Variants in TMEM132E observed in about 807,000 individuals in gnomAD.
TMEM132E encodes the protein transmembrane protein 132E.
Under a neutral mutation model 78.5 loss-of-function variants are expected in TMEM132E, and 49 were observed. The ratio of observed to expected loss-of-function variants is 0.62; its 90% CI spans 0.50 to 0.79. TMEM132E has a LOEUF of 0.79. TMEM132E is among the 30% of genes least tolerant of loss of function. The pLI is 0.00. For synonymous variants in TMEM132E, 715 were observed against 670.6 expected, an observed-to-expected ratio of 1.07 and a Z score of -1.02; for missense variants, 1,403 against 1,470.9, an observed-to-expected ratio of 0.95 and a Z score of 0.75.
chr17:34,628,052 T>C (rs564427917), intron 2 of TMEM132E, among the ~76,000 whole-genome samples: 3 of 152,196 alleles, frequency 2.0e-5, no homozygotes, highest in Non-Finnish European at 4.4e-5. Context: ...GGCTGTGAGG[T>C]GATTCAGAAC....
At chr17:34,597,328 T>C (rs1906095030) in intron 1 of TMEM132E, among the ~76,000 whole-genome samples, 1 of 152,144 alleles carries the variant, frequency 6.6e-6, no homozygotes, top group Non-Finnish European at 1.5e-5. Context: ...GAAGCCCCTC[T>C]GAGTCTAGCT....
At chr17:34,635,957 G>C (rs569184920) in intron 7 of TMEM132E, 50 bp from the exon 8 acceptor site, 8 of 1,333,428 alleles carry the variant, frequency 6.0e-6, no homozygotes, top group South Asian at 2.1e-5. Flanking sequence ...TCTTGGGCAG[G>C]GGGGTGTGCT....
chr17:34,580,253 G>A lies in TMEM132E; in HGVS notation c.-824G>A, dbSNP rs1419886838. The A allele has an allele frequency of 6.6e-6, 1 of 152,268 alleles. No homozygotes were observed. The highest frequency in any genetic ancestry group is 6.5e-5 in the Admixed American group (1 of 15,288). The allele number at this position is 152,268 out of a possible 1,614,324, so 9.4% of individuals were successfully genotyped here. A position where few individuals can be genotyped will look rare whatever the true frequency, so the allele number is the denominator to read the frequency against. On this transcript the variant is annotated 5_prime_UTR_variant, in exon 1 of 9. An upstream start codon of the reference 5' UTR is lost. Coordinates refer to ENST00000631683, the MANE Select transcript of TMEM132E (RefSeq NM_001304438.2). ...TCGCTTCTCCAAGCCCCATCTACAT[G>A]GGGCAGCCCGTTCTGGCCGCGCCAC... is the stretch of plus-strand genomic sequence containing the variant.
chr17:34,637,321 G>A lies in TMEM132E; in HGVS notation c.2314G>A (p.Val772Ile). 1 of 1,614,106 alleles carries A rather than the reference G, an allele frequency of 6.2e-7. No individual in the cohort carries two copies. Among genetic ancestry groups the A allele is most frequent in the Non-Finnish European group, 8.5e-7 (1 of 1,180,042 alleles). The change falls in exon 9 of 9, where the codon GTA (valine) becomes ATA (isoleucine). Residue 772 changes from valine to isoleucine, a missense_variant. Around this residue, in one of 3 missense-constraint regions of TMEM132E, gnomAD observed 888 missense variants for 952.8 expected, o/e 0.93. Coordinates refer to ENST00000631683, the MANE Select transcript of TMEM132E (RefSeq NM_001304438.2). ...GACCCAGGACCGGGCCTTCCCTCTGGTAGTGGCTGAGGCCGAGGGGTCAGG... is the reference window on the plus strand; with the variant it reads ...GACCCAGGACCGGGCCTTCCCTCTGATAGTGGCTGAGGCCGAGGGGTCAGG... ...TVTQDRAFPL[V>I]VAEAEGSGEL...
chr17:34,610,400 C>T (rs1033343685), intron 1 of TMEM132E, among the ~76,000 whole-genome samples: 5 of 152,202 alleles, frequency 3.3e-5, no homozygotes, highest in African/African-American at 1.2e-4. Flanking sequence ...AAGGCGCGGT[C>T]TCTGCCCAAA....
chr17:34,637,963 A>C lies in TMEM132E; in HGVS notation c.2956A>C (p.Arg986=), dbSNP rs199591172. ...QTSVQSQVHG[R]GDGSSGGSAR... is the part of the protein sequence containing the mutation. ...CAGCGTCCAGAGCCAGGTGCACGGC[A>C]GGGGCGACGGCTCCTCGGGCGGCTC... The change falls in exon 9 of 9, where the codon AGG becomes CGG. Residue 986 remains arginine, a synonymous_variant. Coordinates refer to ENST00000631683, the MANE Select transcript of TMEM132E (RefSeq NM_001304438.2). The C allele has an allele frequency of 1.9e-6, 3 of 1,602,226 alleles. No homozygotes were observed. The highest frequency in any genetic ancestry group is 1.3e-5 in the African/African-American group (1 of 74,856).
At chr17:34,589,318 G>A (rs55756157) in intron 1 of TMEM132E, among the ~76,000 whole-genome samples, 7,700 of 152,224 alleles carry the variant, frequency 0.051, 306 homozygotes, top group East Asian at 0.22. Flanking sequence ...GGACCAGGAG[G>A]GAGGGGAAAG....
chr17:34,632,599 C>T (rs1907383206), intron 5 of TMEM132E, 105 bp from the exon 6 acceptor site: 1 of 1,224,094 alleles, frequency 8.2e-7, no homozygotes, highest in Non-Finnish European at 1.2e-6. Flanking sequence ...CCTTCAGCCT[C>T]CTAGGACTTT....
intron 1 of TMEM132E, among the ~76,000 whole-genome samples, chr17:34,608,305 G>A (rs77433612): frequency 2.3e-4 from 35 of 152,304 alleles, no homozygotes; most frequent in African/African-American, 7.5e-4. Context: ...TCCCCAGGAC[G>A]CTCTGCAGAT....
chr17:34,599,451 T>C (rs1906163499), intron 1 of TMEM132E, among the ~76,000 whole-genome samples: 1 of 152,106 alleles, frequency 6.6e-6, no homozygotes, highest in African/African-American at 2.4e-5. Flanking sequence ...CCAACCTCAT[T>C]GATGACACTT....
At chr17:34,625,698 C>CGA (rs1907094338) in intron 1 of TMEM132E, among the ~76,000 whole-genome samples, 1 of 152,172 alleles carries the variant, frequency 6.6e-6, no homozygotes, top group Non-Finnish European at 1.5e-5. Context: ...CACAGGGACT[C>CGA]TTTTCAGCAC....
rs1907255090 is a variant in TMEM132E, at chr17:34,629,057, G to C, written c.1191G>C (p.Met397Ile). 1 of 1,593,824 alleles carries C rather than the reference G, an allele frequency of 6.3e-7. No individual in the cohort carries two copies. Residue 397 changes from methionine (M) to isoleucine (I), a missense_variant, in exon 4 of 9, where the codon ATG becomes ATC. Around this residue, in one of 3 missense-constraint regions of TMEM132E, gnomAD observed 888 missense variants for 952.8 expected, o/e 0.93. Transcript: ENST00000631683. ...PLEILQLDFE[M>I]ENFTSQSVKR... ...AGATCTTGCAGCTGGACTTTGAAAT[G>C]GAGAACTTCACCAGCCAGTCAGTCA...
chr17:34,594,418 G>A (rs1905985655), intron 1 of TMEM132E, among the ~76,000 whole-genome samples: 1 of 152,130 alleles, frequency 6.6e-6, no homozygotes, highest in African/African-American at 2.4e-5. Flanking sequence ...GTGTGGTCTT[G>A]GAAATATTGC....
Position 34,632,901 on chromosome 17 carries a change from C to A in TMEM132E, c.1680C>A (p.Pro560=), listed in dbSNP as rs1471522129. The A allele has an allele frequency of 6.2e-7, 1 of 1,614,050 alleles. No homozygotes were observed. Among genetic ancestry groups the A allele is most frequent in the Admixed American group, 1.7e-5 (1 of 60,026 alleles). Residue 560 remains proline, a synonymous_variant, in exon 6 of 9, where the codon CCC becomes CCA. Coordinates refer to ENST00000631683, the MANE Select transcript of TMEM132E (RefSeq NM_001304438.2). The part of the protein sequence containing the change: ...QVKGWRVPIL[P]DRRSVRESED... Reference sequence around the variant, plus strand: ...AGGGCTGGAGGGTACCTATCCTCCCCGACCGGAGGTACAGCCCCTCTCCCA... The same window carrying A: ...AGGGCTGGAGGGTACCTATCCTCCCAGACCGGAGGTACAGCCCCTCTCCCA...
At chr17:34,613,174 T>TACACACAC (rs1052726474) in intron 1 of TMEM132E, among the ~76,000 whole-genome samples, 4 of 109,174 alleles carry the variant, frequency 3.7e-5, no homozygotes, top group African/African-American at 1.2e-4. Context: ...TCTCTCTCTC[T>TACACACAC]ACACACACAC....
chr17:34,610,041 G>A (rs370924815), intron 1 of TMEM132E, among the ~76,000 whole-genome samples: 3 of 148,622 alleles, frequency 2.0e-5, no homozygotes, highest in Non-Finnish European at 3.0e-5. Flanking sequence ...ATCAGTCCTC[G>A]AGTTTCTACC....
Position 34,632,893 on chromosome 17 carries a change from A to G in TMEM132E, c.1672A>G (p.Ile558Val). The change falls in exon 6 of 9, where the codon ATC (isoleucine) becomes GTC (valine). Residue 558 changes from isoleucine to valine, a missense_variant. Transcript: ENST00000631683. ...LSQVKGWRVP[I>V]LPDRRSVRES... ...CCAAGTGAAGGGCTGGAGGGTACCT[A>G]TCCTCCCCGACCGGAGGTACAGCCC... 2.5e-6 allele frequency: 4 copies of G among 1,614,106 alleles called. No homozygotes were observed. Among genetic ancestry groups the G allele is most frequent in the South Asian group, 2.2e-5 (2 of 91,078 alleles).
intron 1 of TMEM132E, among the ~76,000 whole-genome samples, chr17:34,600,190 G>T (rs1384321567): frequency 6.6e-6 from 1 of 152,172 alleles, no homozygotes; most frequent in African/African-American, 2.4e-5. Context: ...CCACTCTTTA[G>T]TCTCATTAGA....
chr17:34,626,656 G>C lies in TMEM132E; in HGVS notation c.597G>C (p.Trp199Cys). ...TGCGGGCAGAGCTGCCCCTGGCCTGGTTCGGGCCCCCAGCCCCCGCTGCGC... is the reference window on the plus strand; with the variant it reads ...TGCGGGCAGAGCTGCCCCTGGCCTGCTTCGGGCCCCCAGCCCCCGCTGCGC... ...CLVRAELPLA[W>C]FGPPAPAAPP... Residue 199 changes from tryptophan to cysteine, a missense_variant, in exon 2 of 9, where the codon TGG becomes TGC. Physicochemically the swap from Trp to Cys is radical, Grantham distance 215 (BLOSUM62 -2). Around this residue, in one of 3 missense-constraint regions of TMEM132E, gnomAD observed 511 missense variants for 499.0 expected, o/e 1.02. Transcript: ENST00000631683. 4 of 1,422,894 alleles carry C rather than the reference G, an allele frequency of 2.8e-6. No homozygotes were observed. The highest frequency in any genetic ancestry group is 3.7e-6 in the Non-Finnish European group (4 of 1,090,002). The allele number at this position is 1,422,894 out of a possible 1,614,324, so 88.1% of individuals were successfully genotyped here.
Sources: gnomAD v4.1 joint callset for allele counts (sites outside exome capture counted in the v4.1 genomes callset) on GRCh38, gnomAD v4.1.1 for gene constraint, gnomAD v4.1.1 regional missense constraint, MANE v1.5 for transcripts, NCBI Gene and HGNC (gene_info 2026-07-23, HGNC 2026-07-21) for gene names.